FKBP6: variants seen among roughly 807,000 people sequenced by gnomAD.
FKBP6 encodes the protein FKBP prolyl isomerase family member 6 (inactive).
FKBP6 carries 29 observed loss-of-function variants against 41.7 expected under a neutral mutation model. That is an observed-to-expected ratio of 0.70 (90% CI 0.52 to 0.95). The LOEUF (loss-of-function observed/expected upper bound fraction) is 0.95. Ranked by LOEUF, FKBP6 falls within the 40% of genes least tolerant of loss-of-function variation. The probability of loss-of-function intolerance (pLI) is 0.00; values close to 1 mark genes in which losing one functional copy is unlikely to be tolerated. For synonymous variants in FKBP6, 130 were observed against 165.1 expected (o/e 0.79, Z 1.63); for missense variants, 338 against 408.7 (o/e 0.83, Z 1.49).
rs781892640 is a variant in FKBP6 at position 73,329,454 on chromosome 7, G to A, written c.265+5G>A. The A allele has an allele frequency of 1.5e-5, 23 of 1,528,834 alleles. No homozygotes were observed. In the South Asian group the frequency reaches 2.4e-4, roughly 16 times the overall value. The allele number at this position is 1,528,834 out of a possible 1,614,324, so 94.7% of individuals were successfully genotyped here. On this transcript the variant is annotated splice_donor_5th_base_variant and intron_variant, in intron 3 of 8. Coordinates refer to ENST00000252037, the MANE Select transcript of FKBP6 (RefSeq NM_003602.5). ...GGCTAATGAAACTTGGAGAGGGTAG[G>A]TTCAGAGTGGGAGCTGGAGAAGAAG...
intron 8 of FKBP6, among the ~76,000 whole-genome samples, chr7:73,348,456 C>T (rs1375825357): frequency 6.6e-6 from 1 of 152,192 alleles, no homozygotes; most frequent in Non-Finnish European, 1.5e-5. Context: ...AGCCTATTTC[C>T]TTCTATACTC....
intron 6 of FKBP6, 133 bp from the exon 7 acceptor site, chr7:73,341,139 GT>G: frequency 1.3e-6 from 1 of 783,978 alleles, no homozygotes; most frequent in South Asian, 1.4e-5. Context: ...GGCCAGGCTG[GT>G]CTGGAATCCC....
intron 8 of FKBP6, among the ~76,000 whole-genome samples, chr7:73,351,640 T>G (rs1387919900): frequency 6.6e-6 from 1 of 152,176 alleles, no homozygotes; most frequent in Non-Finnish European, 1.5e-5. Context: ...AGGCATTTCC[T>G]CTGGAAGGGT....
At chr7:73,338,104 C>T (rs185426826) in intron 5 of FKBP6, among the ~76,000 whole-genome samples, 1 of 152,310 alleles carries the variant, frequency 6.6e-6, no homozygotes, top group Non-Finnish European at 1.5e-5. Flanking sequence ...CGGCTCACTG[C>T]AACCTCTGCC....
intron 4 of FKBP6, 103 bp from the exon 5 acceptor site, chr7:73,331,554 C>T: frequency 1.8e-6 from 2 of 1,137,368 alleles, no homozygotes; most frequent in Non-Finnish European, 2.7e-6. Flanking sequence ...CACTATGTTG[C>T]CCAGGCTGGT....
chr7:73,356,595 C>T (rs1805638227), intron 8 of FKBP6, among the ~76,000 whole-genome samples: 1 of 152,208 alleles, frequency 6.6e-6, no homozygotes, highest in African/African-American at 2.4e-5. Flanking sequence ...TGTTTCCAGA[C>T]TGAGGTGGCC....
chr7:73,357,134 A>C (rs531570341), intron 8 of FKBP6, among the ~76,000 whole-genome samples: 2 of 152,158 alleles, frequency 1.3e-5, no homozygotes, highest in East Asian at 3.9e-4. Context: ...CTTCTAGAAC[A>C]GTAGCGATGG....
chr7:73,348,089 C>T (rs1192328661), intron 8 of FKBP6, among the ~76,000 whole-genome samples: 2 of 152,226 alleles, frequency 1.3e-5, no homozygotes, highest in African/African-American at 4.8e-5. Flanking sequence ...TTTCTTAAAT[C>T]ACGTCTTCCT....
Position 73,345,270 on chromosome 7 carries a change from G to A in FKBP6, c.*2+2371G>A, listed in dbSNP as rs1554550147. Among the ~76,000 whole-genome samples the A allele has an allele frequency of 2.0e-5, 3 of 151,970 alleles. No homozygotes were observed. The East Asian group carries it at 5.8e-4, about 29-fold the overall frequency. On this transcript the variant is annotated intron_variant, in intron 8 of 8. Coordinates refer to ENST00000252037, the MANE Select transcript of FKBP6 (RefSeq NM_003602.5). ...ATTTGCAGAAGGGGTCCTGGGAGTG[G>A]CTCACAGAGTTGAGGAGGAGTTTGG...
At chr7:73,341,998 C>T (rs1805205060) in intron 7 of FKBP6, among the ~76,000 whole-genome samples, 1 of 151,896 alleles carries the variant, frequency 6.6e-6, no homozygotes, top group Admixed American at 6.6e-5. Flanking sequence ...TTCTGGTGCG[C>T]TCTTCCCTGC....
At chr7:73,329,237 C>G (rs1345265272) in intron 2 of FKBP6, 123 bp from the exon 3 acceptor site, 2 of 783,278 alleles carry the variant, frequency 2.6e-6, no homozygotes, top group Admixed American at 3.4e-5. Flanking sequence ...TCCTGTACCT[C>G]GGGGTGTCGG....
chr7:73,333,180 A>T (rs1804900489), intron 5 of FKBP6, among the ~76,000 whole-genome samples: 1 of 151,702 alleles, frequency 6.6e-6, no homozygotes, highest in Non-Finnish European at 1.5e-5. Flanking sequence ...CTGAAGCAGG[A>T]GAATCACTTG....
chr7:73,333,100 C>T (rs1178682916), intron 5 of FKBP6, among the ~76,000 whole-genome samples: 1 of 151,750 alleles, frequency 6.6e-6, no homozygotes, highest in Non-Finnish European at 1.5e-5. Context: ...GGCGAAACCC[C>T]GTCTCTACTA....
At position 73,328,255 on chromosome 7, in the gene FKBP6, G is replaced by A. The variant is rs1804696027; in HGVS notation, c.-174G>A. 3 of 1,549,162 alleles carry A rather than the reference G, an allele frequency of 1.9e-6. No homozygotes were observed. Among genetic ancestry groups the A allele is most frequent in the East Asian group, 2.4e-5 (1 of 40,906 alleles). ...GCTCGCGAGGGCCAGGGCCGTTGGCGGCGGTTGGAACGAAACGATGAGTGC... is the reference window on the plus strand; with the variant it reads ...GCTCGCGAGGGCCAGGGCCGTTGGCAGCGGTTGGAACGAAACGATGAGTGC... On this transcript the variant is annotated 5_prime_UTR_variant, in exon 1 of 9. Coordinates refer to ENST00000252037, the MANE Select transcript of FKBP6 (RefSeq NM_003602.5).
intron 5 of FKBP6, among the ~76,000 whole-genome samples, chr7:73,337,374 C>A (rs1399102186): frequency 7.0e-6 from 1 of 142,730 alleles, no homozygotes; most frequent in Non-Finnish European, 1.5e-5. Flanking sequence ...AGTGTACTGG[C>A]GCCATCTCGG....
chr7:73,341,287 GACTGA>G lies in FKBP6; in HGVS notation c.799_803del (p.Thr267ValfsTer20), dbSNP rs1253051240. ...CCTTGGGACAGGCTTGTCTTCTCCT[GACTGA>G]GTATCAAAAGGCCCGGGATTTTCTA... On this transcript the variant is annotated frameshift_variant, in exon 7 of 9. Transcript: ENST00000252037. LOFTEE classifies it high-confidence loss of function. 1.2e-6 allele frequency: 2 copies of G among 1,610,788 alleles called. No homozygotes were observed. Among genetic ancestry groups the G allele is most frequent in the African/African-American group, 2.7e-5 (2 of 74,868 alleles).
intron 8 of FKBP6, among the ~76,000 whole-genome samples, chr7:73,350,480 G>A (rs940312204): frequency 6.6e-6 from 1 of 152,040 alleles, no homozygotes; most frequent in African/African-American, 2.4e-5. Context: ...CAGGTGGTGC[G>A]TGACCCCGAA....
At chr7:73,357,303 C>T in intron 8 of FKBP6, among the ~76,000 whole-genome samples, 1 of 108,862 alleles carries the variant, frequency 9.2e-6, no homozygotes, top group African/African-American at 3.6e-5. Context: ...GAGACGGAGT[C>T]TCACTCTGTC....
At chr7:73,356,622 A>T (rs1383657109) in intron 8 of FKBP6, among the ~76,000 whole-genome samples, 2 of 152,124 alleles carry the variant, frequency 1.3e-5, no homozygotes, top group African/African-American at 4.8e-5. Context: ...TAAATTGCCT[A>T]ATTGTTTCTC....
Sources: gnomAD v4.1 joint callset for allele counts (sites outside exome capture counted in the v4.1 genomes callset) on GRCh38, gnomAD v4.1.1 for gene constraint, MANE v1.5 for transcripts, NCBI Gene and HGNC (gene_info 2026-07-23, HGNC 2026-07-21) for gene names.